The following ARHGAP23 variants were observed in gnomAD, a reference collection of about 807,000 sequenced individuals.
The protein encoded by ARHGAP23 is rho GTPase-activating protein 23.
ARHGAP23 carries 34 observed loss-of-function variants against 136.3 expected under a neutral mutation model. That is an observed-to-expected ratio of 0.25 (90% CI 0.19 to 0.33). The LOEUF is 0.33. Ranked by LOEUF, ARHGAP23 falls within the 10% of genes least tolerant of loss-of-function variation. The pLI is 1.00. For missense variants in ARHGAP23, 1,808 were observed against 2,139.0 expected, an observed-to-expected ratio of 0.85 and a Z score of 3.05; for synonymous variants, 832 against 920.5, an observed-to-expected ratio of 0.90 and a Z score of 1.74.
chr17:38,462,412 CA>C (rs1255624016), intron 3 of ARHGAP23, among the ~76,000 whole-genome samples: 2 of 151,914 alleles, frequency 1.3e-5, no homozygotes, highest in African/African-American at 4.8e-5. Flanking sequence ...CGTGCCACCA[CA>C]CACAGCTAAT....
intron 7 of ARHGAP23, 150 bp downstream of exon 7, chr17:38,467,481 A>G: frequency 1.5e-6 from 1 of 649,646 alleles, no homozygotes. Context: ...TCATCTGTTC[A>G]TCCATCCATC....
Position 38,457,110 on chromosome 17 carries a change from A to G in ARHGAP23, c.64-992A>G, listed in dbSNP as rs1417652277. Reference sequence around the variant, plus strand: ...TTTTTGGTAGAGACAGGGTTTCACCATGTTGGCCAGGCTGGTCTCGAACTC... The same window carrying G: ...TTTTTGGTAGAGACAGGGTTTCACCGTGTTGGCCAGGCTGGTCTCGAACTC... On this transcript the variant is annotated intron_variant, in intron 1 of 23. Coordinates refer to ENST00000622683, the MANE Select transcript of ARHGAP23 (RefSeq NM_001199417.2). Among the ~76,000 whole-genome samples the G allele has an allele frequency of 5.3e-5, 8 of 152,180 alleles. No homozygotes were observed. In the East Asian group the frequency reaches 5.8e-4, roughly 11 times the overall value.
At chr17:38,470,895 G>A (rs7503229) in intron 10 of ARHGAP23, among the ~76,000 whole-genome samples, 59,536 of 151,726 alleles carry the variant, frequency 0.39, 12,266 homozygotes, top group East Asian at 0.6. Context: ...ATAAGCCATC[G>A]CACCTGGACA....
Position 38,479,839 on chromosome 17 carries a change from C to A in ARHGAP23, c.2585C>A (p.Ala862Glu). ...GLKSEFLKQSAARGLRTQDLP... is the reference protein window; with the variant it reads ...GLKSEFLKQSEARGLRTQDLP... ...AAGTCTGAGTTCCTCAAGCAGAGTG[C>A]GGCACGTGGCCTCAGGACTCAGGAC... Residue 862 changes from alanine to glutamate, a missense_variant, in exon 14 of 24, where the codon GCG becomes GAG. Coordinates refer to ENST00000622683, the MANE Select transcript of ARHGAP23 (RefSeq NM_001199417.2). The A allele has an allele frequency of 1.3e-6, 2 of 1,487,662 alleles. No homozygotes were observed. The highest frequency in any genetic ancestry group is 1.8e-6 in the Non-Finnish European group (2 of 1,109,702). 92.2% of individuals were successfully genotyped at this position (1,487,662 alleles called of 1,614,324 possible).
intron 2 of ARHGAP23, among the ~76,000 whole-genome samples, chr17:38,460,025 T>C (rs1302207540): frequency 6.6e-6 from 1 of 152,114 alleles, no homozygotes; most frequent in Non-Finnish European, 1.5e-5. Context: ...AGCTATACAA[T>C]GGGTACATGT....
At chr17:38,470,918 T>A (rs556678669) in intron 10 of ARHGAP23, among the ~76,000 whole-genome samples, 4 of 152,152 alleles carry the variant, frequency 2.6e-5, no homozygotes, top group Admixed American at 2.0e-4. Flanking sequence ...TTTTTGTTTT[T>A]AAAATCATAC....
At position 38,503,482 on chromosome 17, in the gene ARHGAP23, A is replaced by G. The variant is rs557796110; in HGVS notation, c.3447+2854A>G. 3.3e-5 allele frequency among the ~76,000 whole-genome samples: 5 copies of G among 152,336 alleles called. No homozygotes were observed. In the East Asian group the frequency reaches 9.6e-4, roughly 29 times the overall value. On this transcript the variant is annotated intron_variant, in intron 23 of 23. Coordinates refer to ENST00000622683, the MANE Select transcript of ARHGAP23 (RefSeq NM_001199417.2). Reference sequence around the variant, plus strand: ...CTTCTCGAGAGCCAGCACTTTGCCCAGCAGCCGTGCCCCGCCCCTTTGGGC... The same window carrying G: ...CTTCTCGAGAGCCAGCACTTTGCCCGGCAGCCGTGCCCCGCCCCTTTGGGC...
intron 6 of ARHGAP23, among the ~76,000 whole-genome samples, chr17:38,465,671 C>T (rs1238054744): frequency 6.6e-6 from 1 of 152,208 alleles, no homozygotes; most frequent in Admixed American, 6.5e-5. Flanking sequence ...GCTCAGGAGC[C>T]AGCTCCCCAT....
At chr17:38,456,084 T>G (rs2039318075) in intron 1 of ARHGAP23, among the ~76,000 whole-genome samples, 1 of 152,212 alleles carries the variant, frequency 6.6e-6, no homozygotes. Context: ...TAGAACGGTC[T>G]GTCTCCCTTG....
intron 1 of ARHGAP23, among the ~76,000 whole-genome samples, chr17:38,429,473 C>G (rs2038640441): frequency 6.6e-6 from 1 of 152,258 alleles, no homozygotes; most frequent in South Asian, 2.1e-4. Context: ...AGGTTGAGGT[C>G]AAGGCCAGGG....
intron 1 of ARHGAP23, among the ~76,000 whole-genome samples, chr17:38,430,437 C>T (rs895974649): frequency 1.2e-4 from 19 of 152,152 alleles, no homozygotes; most frequent in South Asian, 1.0e-3. Context: ...CCCTGGCTCA[C>T]GGGGAAGAAG....
At chr17:38,448,552 T>C (rs1352672676) in intron 1 of ARHGAP23, among the ~76,000 whole-genome samples, 3 of 151,468 alleles carry the variant, frequency 2.0e-5, no homozygotes, top group East Asian at 1.9e-4. Flanking sequence ...TAGAAAGTGG[T>C]AGAGATAGGG....
chr17:38,470,190 G>T (rs527543754), intron 10 of ARHGAP23, among the ~76,000 whole-genome samples: 3 of 152,122 alleles, frequency 2.0e-5, no homozygotes, highest in African/African-American at 7.2e-5. Context: ...CCCTGTCTTC[G>T]CGGCTTTTTA....
At chr17:38,455,169 A>G (rs117171008) in intron 1 of ARHGAP23, among the ~76,000 whole-genome samples, 2,082 of 152,270 alleles carry the variant, frequency 0.014, 25 homozygotes, top group Non-Finnish European at 0.021. Context: ...CCCAGGTCAC[A>G]GGGGAGGAGA....
chr17:38,473,199 C>T (rs1200339108), intron 11 of ARHGAP23, among the ~76,000 whole-genome samples: 31 of 149,416 alleles, frequency 2.1e-4, no homozygotes, highest in East Asian at 7.9e-4. Context: ...AATTATGTGT[C>T]TGCCTCGGCC....
intron 14 of ARHGAP23, among the ~76,000 whole-genome samples, chr17:38,481,616 A>G (rs1392788398): frequency 1.3e-5 from 2 of 151,920 alleles, no homozygotes; most frequent in African/African-American, 4.8e-5. Flanking sequence ...TTAATTAGCC[A>G]GGTGTGGTGG....
chr17:38,466,547 G>A lies in ARHGAP23; in HGVS notation c.864G>A (p.Leu288=). ...PPSRLECQQA[L]SHWLSNQVPR... is the part of the protein sequence containing the mutation. The stretch of plus-strand genomic sequence containing the variant: ...GCAGACTGGAGTGCCAGCAGGCCTT[G>A]TCACACTGGCTGTCAAACCAGGTAC... The change falls in exon 7 of 24, where the codon TTG becomes TTA. Residue 288 remains leucine, a synonymous_variant. Coordinates refer to ENST00000622683, the MANE Select transcript of ARHGAP23 (RefSeq NM_001199417.2). 2.7e-6 allele frequency: 4 copies of A among 1,479,144 alleles called. No individual in the cohort carries two copies. Among genetic ancestry groups the A allele is most frequent in the Non-Finnish European group, 3.6e-6 (4 of 1,121,402 alleles). The allele number at this position is 1,479,144 out of a possible 1,614,324, so 91.6% of individuals were successfully genotyped here.
intron 6 of ARHGAP23, among the ~76,000 whole-genome samples, chr17:38,465,145 C>T (rs925972297): frequency 3.3e-5 from 5 of 151,052 alleles, no homozygotes; most frequent in Non-Finnish European, 5.9e-5. Context: ...GTGATGATGC[C>T]GGGAGCCTGG....
At chr17:38,457,987 A>T in intron 1 of ARHGAP23, 115 bp from the exon 2 acceptor site, 1 of 1,313,764 alleles carries the variant, frequency 7.6e-7, no homozygotes, top group South Asian at 1.4e-5. Flanking sequence ...TGGCAACCCT[A>T]GGGCGAAAGA....
Sources: gnomAD v4.1 joint callset for allele counts (sites outside exome capture counted in the v4.1 genomes callset) on GRCh38, gnomAD v4.1.1 for gene constraint, MANE v1.5 for transcripts, NCBI Gene and HGNC (gene_info 2026-07-23, HGNC 2026-07-21) for gene names.